AK8: variants seen among roughly 807,000 people sequenced by gnomAD.
AK8 encodes the protein adenylate kinase 8, also known as ATP-AMP transphosphorylase 8.
A neutral mutation model predicts 54.6 loss-of-function variants in AK8; 44 were observed. That is an observed-to-expected ratio of 0.81 (90% CI 0.63 to 1.04). The LOEUF (loss-of-function observed/expected upper bound fraction) is 1.04. Among genes scored for constraint, AK8 ranks in the 50% least tolerant of loss-of-function variants. The pLI is 0.00. For missense variants in AK8, 555 were observed against 613.6 expected, an observed-to-expected ratio of 0.90 and a Z score of 1.01; for synonymous variants, 239 against 245.6, an observed-to-expected ratio of 0.97 and a Z score of 0.25.
intron 9 of AK8, among the ~76,000 whole-genome samples, chr9:132,819,686 TA>T (rs1564419539): frequency 2.0e-5 from 3 of 152,228 alleles, no homozygotes; most frequent in African/African-American, 7.2e-5. Flanking sequence ...ATCGATATTA[TA>T]GAACACTATA....
At chr9:132,853,753 C>T (rs573751059) in intron 5 of AK8, among the ~76,000 whole-genome samples, 1 of 134,322 alleles carries the variant, frequency 7.4e-6, no homozygotes, top group African/African-American at 2.8e-5. Flanking sequence ...CACTGCACTC[C>T]AGCCTGGGCA....
In AK8 at chr9:132,743,490, G is replaced by A. The variant is rs187567726; in HGVS notation, c.1122-15956C>T. Among the ~76,000 whole-genome samples the A allele has an allele frequency of 1.9e-3, 294 of 152,294 alleles. 1 individual carries two copies. The highest frequency in any genetic ancestry group is 3.1e-3 in the Non-Finnish European group (214 of 68,020). On this transcript the variant is annotated intron_variant, in intron 11 of 12. Transcript: ENST00000298545. ...CATAAGCACATTCCAGTGTTCCTCTGCCACAGCACTGTCGCTACCCACCGC... is the reference window on the plus strand; with the variant it reads ...CATAAGCACATTCCAGTGTTCCTCTACCACAGCACTGTCGCTACCCACCGC...
intron 10 of AK8, among the ~76,000 whole-genome samples, chr9:132,800,498 T>G (rs1434467706): frequency 6.6e-6 from 1 of 152,164 alleles, no homozygotes; most frequent in Admixed American, 6.5e-5. Context: ...TGCTCTTTGG[T>G]AAACTCAAGT....
At chr9:132,801,925 C>T (rs108994) in intron 10 of AK8, among the ~76,000 whole-genome samples, 54,571 of 152,150 alleles carry the variant, frequency 0.36, 11,863 homozygotes, top group South Asian at 0.57. Context: ...TTGCATCCAG[C>T]CAATCCAGCT....
At chr9:132,794,591 C>G (rs187585733) in intron 10 of AK8, among the ~76,000 whole-genome samples, 6 of 152,186 alleles carry the variant, frequency 3.9e-5, no homozygotes, top group Admixed American at 1.3e-4. Context: ...TTAATGTCTG[C>G]GTCTCTTTCA....
At chr9:132,764,101 T>G (rs1266043620) in intron 11 of AK8, among the ~76,000 whole-genome samples, 1 of 152,264 alleles carries the variant, frequency 6.6e-6, no homozygotes, top group East Asian at 1.9e-4. Flanking sequence ...GTCCAAAAGT[T>G]TAAGACCAGC....
At position 132,840,920 on chromosome 9, in the gene AK8, T is replaced by C. The variant is rs117860819; in HGVS notation, c.403-12194A>G. Among the ~76,000 whole-genome samples, 28 of 152,202 alleles carry C rather than the reference T, an allele frequency of 1.8e-4. No individual in the cohort carries two copies. The East Asian group carries it at 4.8e-3, about 26-fold the overall frequency. ...CACCCAGAAAGTGTCCAGGACTGTT[T>C]TCTAACACAAAGCCCAGGTATGAAG... On this transcript the variant is annotated intron_variant, in intron 5 of 12. Coordinates refer to ENST00000298545, the MANE Select transcript of AK8 (RefSeq NM_152572.3).
At chr9:132,859,311 G>A (rs1843293117) in intron 4 of AK8, among the ~76,000 whole-genome samples, 1 of 152,112 alleles carries the variant, frequency 6.6e-6, no homozygotes, top group Non-Finnish European at 1.5e-5. Flanking sequence ...CTGGAGTGCA[G>A]TGGAACCATC....
intron 5 of AK8, among the ~76,000 whole-genome samples, chr9:132,841,308 T>C (rs945631129): frequency 1.1e-4 from 16 of 152,156 alleles, no homozygotes; most frequent in Non-Finnish European, 2.1e-4. Flanking sequence ...GTGGAGCCCA[T>C]AAGAATCACA....
intron 9 of AK8, among the ~76,000 whole-genome samples, chr9:132,820,592 T>TC (rs1841543663): frequency 1.3e-5 from 2 of 152,238 alleles, no homozygotes; most frequent in Admixed American, 1.3e-4. Context: ...AGGAGTTAAA[T>TC]CCCAGGGTCA....
chr9:132,814,101 A>G (rs1196622845), intron 10 of AK8, among the ~76,000 whole-genome samples: 2 of 151,558 alleles, frequency 1.3e-5, no homozygotes, highest in Non-Finnish European at 2.9e-5. Flanking sequence ...AACATGGAGA[A>G]ATCCCATCTC....
chr9:132,743,363 T>G (rs2130985304), intron 11 of AK8, among the ~76,000 whole-genome samples: 1 of 152,362 alleles, frequency 6.6e-6, no homozygotes, highest in South Asian at 2.1e-4. Context: ...AACAGGGCAG[T>G]GGAGACACGG....
intron 5 of AK8, among the ~76,000 whole-genome samples, chr9:132,838,150 T>A (rs1564430700): frequency 6.6e-6 from 1 of 152,214 alleles, no homozygotes; most frequent in Non-Finnish European, 1.5e-5. Flanking sequence ...CTGGTGGTTC[T>A]GTGGACCAGC....
chr9:132,784,274 C>A (rs1439231734), intron 11 of AK8, among the ~76,000 whole-genome samples: 1 of 92,750 alleles, frequency 1.1e-5, no homozygotes, highest in Admixed American at 1.1e-4. Flanking sequence ...AATCCCAGCA[C>A]TTTGGGAGGT....
chr9:132,794,433 C>G (rs11243912), intron 10 of AK8, among the ~76,000 whole-genome samples: 23,305 of 152,130 alleles, frequency 0.15, 1,902 homozygotes, highest in Admixed American at 0.21. Context: ...CTTGCCTGGG[C>G]CAGCCTTCAA....
chr9:132,852,044 G>C (rs1842988740), intron 5 of AK8, among the ~76,000 whole-genome samples: 1 of 152,142 alleles, frequency 6.6e-6, no homozygotes, highest in Non-Finnish European at 1.5e-5. Context: ...TCTCAGCAAA[G>C]ACACAGAAGG....
chr9:132,819,309 T>C lies in AK8; in HGVS notation c.889+3896A>G, dbSNP rs143844717. 2.8e-4 allele frequency among the ~76,000 whole-genome samples: 43 copies of C among 152,336 alleles called. No individual in the cohort carries two copies. In the East Asian group the frequency reaches 5.4e-3, roughly 19 times the overall value. On this transcript the variant is annotated intron_variant, in intron 9 of 12. Coordinates refer to ENST00000298545, the MANE Select transcript of AK8 (RefSeq NM_152572.3). ...AGTAATCTAGAGATGATTTAAAGTG[T>C]ATAGGAGAATGTATGTAGGTTATAT...
At chr9:132,730,226 G>A (rs1435653712) in intron 11 of AK8, among the ~76,000 whole-genome samples, 1 of 152,180 alleles carries the variant, frequency 6.6e-6, no homozygotes, top group Admixed American at 6.5e-5. Context: ...CAGATGTGTT[G>A]AGCGGGCTGC....
chr9:132,851,376 G>C (rs888136269), intron 5 of AK8, among the ~76,000 whole-genome samples: 33 of 152,228 alleles, frequency 2.2e-4, no homozygotes, highest in African/African-American at 7.7e-4. Context: ...ACTTGACCCT[G>C]GTCATGGGTG....
Sources: gnomAD v4.1 joint callset for allele counts (sites outside exome capture counted in the v4.1 genomes callset) on GRCh38, gnomAD v4.1.1 for gene constraint, MANE v1.5 for transcripts, NCBI Gene and HGNC (gene_info 2026-07-23, HGNC 2026-07-21) for gene names.